SP3: variants seen among roughly 807,000 people sequenced by gnomAD.
SP3 encodes Sp3 transcription factor.
A neutral mutation model predicts 70.3 loss-of-function variants in SP3; 10 were observed. That is an observed-to-expected ratio of 0.14 (90% confidence interval 0.09 to 0.24). The LOEUF (loss-of-function observed/expected upper bound fraction) is 0.24, where lower values mean the gene tolerates loss of function less well. Ranked by LOEUF, SP3 falls within the 10% of genes least tolerant of loss-of-function variation. SP3 has a pLI of 1.00. For synonymous variants in SP3, 402 were observed against 333.5 expected, an observed-to-expected ratio of 1.21 and a Z score of -2.24; for missense variants, 825 against 914.6, an observed-to-expected ratio of 0.90 and a Z score of 1.26.
At chr2:173,929,041 G>C (rs1689997578) in intron 4 of SP3, among the ~76,000 whole-genome samples, 1 of 152,112 alleles carries the variant, frequency 6.6e-6, no homozygotes. Flanking sequence ...GTTGGTAAGG[G>C]AGATGTGATC....
intron 4 of SP3, among the ~76,000 whole-genome samples, chr2:173,938,173 T>C (rs1013682204): frequency 5.3e-5 from 8 of 152,134 alleles, no homozygotes; most frequent in Admixed American, 1.3e-4. Flanking sequence ...AAACACAGAA[T>C]GCAACTATCA....
In SP3 at chr2:173,964,298, A is replaced by G. The variant is rs1385826207; in HGVS notation, c.156+107T>C. ...GGGCGGGGGGAGGGGAGTGGAGGGG[A>G]GGGGAGAGACGAGGAGGGAGGGGTG... is the stretch of plus-strand genomic sequence containing the variant. On this transcript the variant is annotated intron_variant, in intron 2 of 6. Transcript: ENST00000310015. The G allele has an allele frequency of 9.2e-5, 42 of 455,562 alleles. No individual in the cohort carries two copies. The African/African-American group carries it at 1.2e-3, about 13-fold the overall frequency. 28.2% of individuals were successfully genotyped at this position (455,562 alleles called of 1,614,324 possible).
intron 4 of SP3, among the ~76,000 whole-genome samples, chr2:173,919,409 A>G (rs769824007): frequency 6.6e-6 from 1 of 152,234 alleles, no homozygotes; most frequent in Non-Finnish European, 1.5e-5. Context: ...TACTTTAAAA[A>G]TAAGTCTTCA....
chr2:173,960,225 G>T (rs1382075685), intron 3 of SP3, among the ~76,000 whole-genome samples: 2 of 152,180 alleles, frequency 1.3e-5, no homozygotes, highest in African/African-American at 4.8e-5. Flanking sequence ...GTAAAAAGTT[G>T]TAACTAAGGC....
intron 2 of SP3, 105 bp from the exon 3 acceptor site, chr2:173,963,988 C>A: frequency 2.8e-6 from 2 of 714,614 alleles, no homozygotes; most frequent in South Asian, 2.6e-5. Flanking sequence ...CCGCCGACTG[C>A]GCCCGGGCAA....
At chr2:173,946,860 T>C (rs1690556921) in intron 4 of SP3, among the ~76,000 whole-genome samples, 1 of 150,778 alleles carries the variant, frequency 6.6e-6, no homozygotes, top group Non-Finnish European at 1.5e-5. Flanking sequence ...TAGCTGCGAC[T>C]ACAGGTGTGT....
intron 2 of SP3, 113 bp downstream of exon 2, chr2:173,964,292 G>A (rs899374862): frequency 1.8e-6 from 1 of 545,318 alleles, no homozygotes; most frequent in East Asian, 3.5e-5. Flanking sequence ...GAGGGGAGTG[G>A]AGGGGAGGGG....
In SP3 at chr2:173,904,133, T is replaced by A. The variant is rs770569680; in HGVS notation, c.*5808A>T. On this transcript the variant is annotated 3_prime_UTR_variant, in exon 7 of 7. Transcript: ENST00000310015. ...GGTTCGCACTCCTATGAGAATCTAA[T>A]GTTGTGGCTCATCTGACAGGAGGCA... Among the ~76,000 whole-genome samples the A allele has an allele frequency of 6.6e-6, 1 of 152,108 alleles. No homozygotes were observed. The highest frequency in any genetic ancestry group is 2.4e-5 in the African/African-American group (1 of 41,404).
chr2:173,933,054 A>T (rs534860323), intron 4 of SP3, among the ~76,000 whole-genome samples: 1 of 152,296 alleles, frequency 6.6e-6, no homozygotes, highest in Non-Finnish European at 1.5e-5. Context: ...CCAAAATGTG[A>T]CACAGGGACA....
At chr2:173,948,780 A>G (rs1234582228) in intron 4 of SP3, among the ~76,000 whole-genome samples, 2 of 152,188 alleles carry the variant, frequency 1.3e-5, no homozygotes, top group Non-Finnish European at 2.9e-5. Flanking sequence ...AAGTCTCAAA[A>G]TTAATAAACC....
chr2:173,962,036 T>C (rs1365175999), intron 3 of SP3, among the ~76,000 whole-genome samples: 1 of 151,452 alleles, frequency 6.6e-6, no homozygotes, highest in Non-Finnish European at 1.5e-5. Context: ...ATTTATCAGA[T>C]TGATTCTAGT....
At chr2:173,911,437 C>G (rs561546598) in intron 6 of SP3, among the ~76,000 whole-genome samples, 6 of 152,278 alleles carry the variant, frequency 3.9e-5, no homozygotes, top group Admixed American at 1.3e-4. Context: ...CCCAGTTTCT[C>G]TTGTAACATT....
intron 2 of SP3, chr2:173,964,133 C>G: frequency 2.7e-6 from 1 of 364,388 alleles, no homozygotes; most frequent in East Asian, 4.2e-5. Flanking sequence ...CGCGCCGGGC[C>G]TCCGCCTTCC....
At chr2:173,930,431 CA>C (rs1690036578) in intron 4 of SP3, among the ~76,000 whole-genome samples, 2 of 152,170 alleles carry the variant, frequency 1.3e-5, no homozygotes, top group African/African-American at 4.8e-5. Context: ...AAAGGTGCAG[CA>C]GTAATTGCTT....
chr2:173,915,644 CTG>C (rs1689602438), intron 5 of SP3: 1 of 151,964 alleles, frequency 6.6e-6, no homozygotes, highest in Non-Finnish European at 1.5e-5. Flanking sequence ...AGGACATAAA[CTG>C]AAATGCTGAC....
chr2:173,948,849 A>G (rs533261701), intron 4 of SP3, among the ~76,000 whole-genome samples: 131 of 152,288 alleles, frequency 8.6e-4, no homozygotes, highest in African/African-American at 3.0e-3. Context: ...TAAAATAAAA[A>G]TCTTAATTTC....
Position 173,901,439 on chromosome 2 carries a change from T to A in SP3, c.*8502A>T, listed in dbSNP as rs957792160. Among the ~76,000 whole-genome samples the A allele has an allele frequency of 3.3e-5, 5 of 152,074 alleles. No individual in the cohort carries two copies. Among genetic ancestry groups the A allele is most frequent in the Admixed American group, 1.3e-4 (2 of 15,274 alleles). On this transcript the variant is annotated 3_prime_UTR_variant, in exon 7 of 7. Transcript: ENST00000310015. ...ATATGTACCTGGGATTAATTAAGAA[T>A]GTTTGAAGATCAATGCAAAAAATTG...
chr2:173,959,139 T>G (rs1352273761), intron 3 of SP3, among the ~76,000 whole-genome samples: 1 of 152,108 alleles, frequency 6.6e-6, no homozygotes, highest in Non-Finnish European at 1.5e-5. Context: ...ATTAAGAGCC[T>G]TCTATGAAAA....
chr2:173,916,244 T>C (rs550627790), intron 5 of SP3: 1 of 152,210 alleles, frequency 6.6e-6, no homozygotes, highest in Admixed American at 6.5e-5. Context: ...TCACAAAAGT[T>C]CTAGAAAAAA....
Sources: gnomAD v4.1 joint callset for allele counts (sites outside exome capture counted in the v4.1 genomes callset) on GRCh38, gnomAD v4.1.1 for gene constraint, MANE v1.5 for transcripts, NCBI Gene and HGNC (gene_info 2026-07-23, HGNC 2026-07-21) for gene names.